Variants in ADAM12 observed in about 807,000 individuals in gnomAD.
ADAM12 encodes ADAM metallopeptidase domain 12, also known as disintegrin and metalloproteinase domain-containing protein 12.
Under a neutral mutation model 106.4 loss-of-function variants are expected in ADAM12, and 70 were observed. That is an observed-to-expected ratio of 0.66 (90% confidence interval 0.54 to 0.80). The LOEUF is 0.80. Among genes scored for constraint, ADAM12 ranks in the 30% least tolerant of loss-of-function variants. ADAM12 has a pLI of 0.00. For synonymous variants in ADAM12, 420 were observed against 433.5 expected (o/e 0.97, Z 0.39); for missense variants, 1,010 against 1,171.9 (o/e 0.86, Z 2.02).
At chr10:126,215,692 T>C (rs1957974856) in intron 3 of ADAM12, among the ~76,000 whole-genome samples, 2 of 152,202 alleles carry the variant, frequency 1.3e-5, no homozygotes, top group South Asian at 4.2e-4. Flanking sequence ...AGACAAAGAC[T>C]CAGTTCAAAT....
At chr10:126,177,784 C>G (rs1185794691) in intron 3 of ADAM12, among the ~76,000 whole-genome samples, 1 of 152,188 alleles carries the variant, frequency 6.6e-6, no homozygotes, top group Non-Finnish European at 1.5e-5. Flanking sequence ...CCCCTGCTTT[C>G]TTACATTGCA....
chr10:126,078,259 G>C (rs1232496418), intron 11 of ADAM12, among the ~76,000 whole-genome samples: 1 of 152,086 alleles, frequency 6.6e-6, no homozygotes, highest in Non-Finnish European at 1.5e-5. Flanking sequence ...CTCACTTATG[G>C]AGCAATAGTT....
At chr10:126,173,148 C>G (rs912417089) in intron 3 of ADAM12, among the ~76,000 whole-genome samples, 1 of 152,090 alleles carries the variant, frequency 6.6e-6, no homozygotes, top group Non-Finnish European at 1.5e-5. Flanking sequence ...GGATAAATAC[C>G]TAATGTAGAT....
chr10:126,320,077 A>G (rs1854042490), intron 2 of ADAM12, among the ~76,000 whole-genome samples: 1 of 152,206 alleles, frequency 6.6e-6, no homozygotes, highest in Non-Finnish European at 1.5e-5. Context: ...AAAGGTTTTT[A>G]CCCTCCAAAG....
At chr10:126,018,128 C>T (rs1458808717) in intron 22 of ADAM12, among the ~76,000 whole-genome samples, 2 of 152,206 alleles carry the variant, frequency 1.3e-5, no homozygotes, top group Non-Finnish European at 2.9e-5. Flanking sequence ...TTTCACGGGC[C>T]AAACATTCTT....
At chr10:126,029,174 G>A (rs1038368561) in intron 21 of ADAM12, among the ~76,000 whole-genome samples, 1 of 152,182 alleles carries the variant, frequency 6.6e-6, no homozygotes, top group Non-Finnish European at 1.5e-5. Context: ...AACCATTGTG[G>A]AAGACAGTGT....
At chr10:126,028,662 G>A (rs12412972) in intron 21 of ADAM12, among the ~76,000 whole-genome samples, 2,533 of 152,224 alleles carry the variant, frequency 0.017, 69 homozygotes, top group East Asian at 0.11. Context: ...ACTCAGGATC[G>A]ATTAAAGACT....
chr10:126,320,531 A>G (rs147085029), intron 2 of ADAM12, among the ~76,000 whole-genome samples: 1 of 152,212 alleles, frequency 6.6e-6, no homozygotes, highest in African/African-American at 2.4e-5. Context: ...TCACTATCAC[A>G]ACTACTTATT....
intron 3 of ADAM12, among the ~76,000 whole-genome samples, chr10:126,218,037 T>G (rs1304796080): frequency 6.6e-6 from 1 of 151,990 alleles, no homozygotes; most frequent in African/African-American, 2.4e-5. Context: ...TTTAATTACA[T>G]GGAAGTATAA....
intron 3 of ADAM12, among the ~76,000 whole-genome samples, chr10:126,182,998 A>G (rs1427176815): frequency 1.3e-5 from 2 of 152,074 alleles, no homozygotes; most frequent in African/African-American, 2.4e-5. Flanking sequence ...CATTGCTTAC[A>G]TTACTGCCAG....
rs1953650250 is a variant in ADAM12 at position 126,015,729 on chromosome 10, C to T, written c.*1550G>A. 6.6e-6 allele frequency: 1 copy of T among 152,162 alleles called. No individual in the cohort carries two copies. The highest frequency in any genetic ancestry group is 2.4e-5 in the African/African-American group (1 of 41,440). The allele number at this position is 152,162 out of a possible 1,614,324, so 9.4% of individuals were successfully genotyped here. ...TTTCAAAGCATAGGAAAACTGTTGA[C>T]CCCCAAAAGAAGGCTTTCTCATAAA... On this transcript the variant is annotated 3_prime_UTR_variant, in exon 23 of 23. Transcript: ENST00000448723.
intron 1 of ADAM12, among the ~76,000 whole-genome samples, chr10:126,358,573 G>T (rs1457478292): frequency 1.3e-5 from 2 of 152,218 alleles, no homozygotes; most frequent in Middle Eastern, 3.4e-3. Flanking sequence ...CTTCCTCTAA[G>T]ATCCGGAACA....
At chr10:126,271,593 G>A (rs7910524) in intron 3 of ADAM12, among the ~76,000 whole-genome samples, 94 of 152,238 alleles carry the variant, frequency 6.2e-4, no homozygotes, top group South Asian at 1.9e-3. Flanking sequence ...GGTGAAACCC[G>A]GTCTCTACAA....
At chr10:126,149,003 C>T (rs1161239114) in intron 4 of ADAM12, among the ~76,000 whole-genome samples, 1 of 152,192 alleles carries the variant, frequency 6.6e-6, no homozygotes, top group Non-Finnish European at 1.5e-5. Context: ...GCTGCAGCCA[C>T]TCCCCAGTTA....
chr10:126,167,664 G>A (rs1957047904), intron 3 of ADAM12, among the ~76,000 whole-genome samples: 1 of 152,038 alleles, frequency 6.6e-6, no homozygotes, highest in African/African-American at 2.4e-5. Flanking sequence ...TTATTCATTA[G>A]TGCCACATAC....
At chr10:126,291,508 A>T (rs1960147956) in intron 2 of ADAM12, among the ~76,000 whole-genome samples, 1 of 152,232 alleles carries the variant, frequency 6.6e-6, no homozygotes, top group Non-Finnish European at 1.5e-5. Flanking sequence ...CCTCATAAAG[A>T]TCTTGCAAAG....
At chr10:126,285,391 G>A (rs1380670455) in intron 2 of ADAM12, among the ~76,000 whole-genome samples, 2 of 152,154 alleles carry the variant, frequency 1.3e-5, no homozygotes, top group African/African-American at 4.8e-5. Context: ...AGGCCATAAG[G>A]CACTGACATT....
chr10:126,121,192 A>ATATACACTATATAC (rs1956098901), intron 5 of ADAM12, among the ~76,000 whole-genome samples: 1 of 71,416 alleles, frequency 1.4e-5, no homozygotes, highest in African/African-American at 5.6e-5. Flanking sequence ...ACTATATACT[A>ATATACACTATATAC]TATATATACT....
chr10:126,324,238 G>A (rs1854210777), intron 2 of ADAM12, among the ~76,000 whole-genome samples: 1 of 152,250 alleles, frequency 6.6e-6, no homozygotes. Flanking sequence ...TTCAGGATGG[G>A]TTTCACAAGA....
Sources: gnomAD v4.1 joint callset for allele counts (sites outside exome capture counted in the v4.1 genomes callset) on GRCh38, gnomAD v4.1.1 for gene constraint, MANE v1.5 for transcripts, NCBI Gene and HGNC (gene_info 2026-07-23, HGNC 2026-07-21) for gene names.